The following CLPTM1L variants were observed in gnomAD, a reference collection of about 807,000 sequenced individuals.
The protein encoded by CLPTM1L is lipid scramblase CLPTM1L.
A neutral mutation model predicts 70.9 loss-of-function variants in CLPTM1L; 38 were observed. The observed-to-expected ratio is 0.54, with a 90% confidence interval of 0.41 to 0.70. The LOEUF is 0.70. Ranked by LOEUF, CLPTM1L falls within the 30% of genes least tolerant of loss-of-function variation. CLPTM1L has a pLI of 0.00. For synonymous variants in CLPTM1L, 339 were observed against 299.9 expected, an observed-to-expected ratio of 1.13 and a Z score of -1.35; for missense variants, 652 against 705.9, an observed-to-expected ratio of 0.92 and a Z score of 0.87.
At position 1,318,824 on chromosome 5, in the gene CLPTM1L, C is replaced by T. The variant is rs1050783664; in HGVS notation, c.1533-371G>A. 6.6e-6 allele frequency among the ~76,000 whole-genome samples: 1 copy of T among 152,202 alleles called. No homozygotes were observed. Among genetic ancestry groups the T allele is most frequent in the Non-Finnish European group, 1.5e-5 (1 of 68,034 alleles). ...CAGGAACCGCTGTGTTCAGGGACCACGTCTCATCAGCTGTGAACACTTGGC... is the reference window on the plus strand; with the variant it reads ...CAGGAACCGCTGTGTTCAGGGACCATGTCTCATCAGCTGTGAACACTTGGC... On this transcript the variant is annotated intron_variant, in intron 16 of 16. Coordinates refer to ENST00000320895, the MANE Select transcript of CLPTM1L (RefSeq NM_030782.5). This position sits in a 1 kb window ranked among gnomAD's most constrained non-coding sequence, Gnocchi z 8.9.
chr5:1,320,759 A>G, intron 15 of CLPTM1L, 28 bp from the exon 16 acceptor site: 1 of 1,342,294 alleles, frequency 7.4e-7, no homozygotes, highest in Non-Finnish European at 1.0e-6. Flanking sequence ...AGGAGGGTGA[A>G]CCCCAGTTGC....
intron 9 of CLPTM1L, among the ~76,000 whole-genome samples, chr5:1,329,308 T>C (rs1038674460): frequency 2.0e-5 from 3 of 152,214 alleles, no homozygotes; most frequent in Non-Finnish European, 4.4e-5. Context: ...TGCTCAGATC[T>C]CCAGCCACAG....
chr5:1,321,870 A>G (rs1225130643), intron 13 of CLPTM1L, 51 bp from the exon 14 acceptor site: 5 of 1,541,060 alleles, frequency 3.2e-6, no homozygotes, highest in Non-Finnish European at 4.4e-6. Flanking sequence ...GGGCTGCCAC[A>G]TCTACGCACA....
intron 6 of CLPTM1L, 142 bp downstream of exon 6, chr5:1,334,915 G>A (rs905127940): frequency 6.5e-6 from 4 of 612,318 alleles, no homozygotes; most frequent in African/African-American, 3.7e-5. Flanking sequence ...TGAGGCAGGC[G>A]CTGCTAGCCT....
chr5:1,321,857 G>A (rs1273993707), intron 13 of CLPTM1L, 38 bp from the exon 14 acceptor site: 1 of 1,588,694 alleles, frequency 6.3e-7, no homozygotes, highest in East Asian at 2.3e-5. Context: ...GGTGCGGAGG[G>A]CCGGGCTGCC....
At chr5:1,329,284 C>T (rs947055279) in intron 9 of CLPTM1L, among the ~76,000 whole-genome samples, 1 of 152,282 alleles carries the variant, frequency 6.6e-6, no homozygotes, top group South Asian at 2.1e-4. Context: ...CCGTCAGTGC[C>T]TACCTGGCCG....
intron 4 of CLPTM1L, 118 bp from the exon 5 acceptor site, chr5:1,338,100 C>T (rs1713118177): frequency 1.3e-6 from 1 of 791,848 alleles, no homozygotes; most frequent in South Asian, 1.5e-5. Context: ...CCCTCAACTG[C>T]TTCTCAGTCA....
chr5:1,332,666 G>A (rs116698139), intron 7 of CLPTM1L, among the ~76,000 whole-genome samples: 15 of 152,210 alleles, frequency 9.9e-5, no homozygotes, highest in African/African-American at 2.9e-4. Context: ...CGGTTAGCAC[G>A]GAGCAGTGCG....
chr5:1,333,802 G>GCT (rs1244507984), intron 7 of CLPTM1L, among the ~76,000 whole-genome samples: 1 of 151,248 alleles, frequency 6.6e-6, no homozygotes. Flanking sequence ...ATACACATCG[G>GCT]GTAAGGGGGA....
intron 3 of CLPTM1L, among the ~76,000 whole-genome samples, chr5:1,339,811 G>A (rs1452233309): frequency 2.0e-5 from 2 of 100,202 alleles, no homozygotes; most frequent in African/African-American, 8.2e-5. Context: ...CCACACAGAC[G>A]GGCAAACTGT....
intron 13 of CLPTM1L, among the ~76,000 whole-genome samples, chr5:1,322,410 C>A (rs932898908): frequency 6.6e-6 from 1 of 152,240 alleles, no homozygotes; most frequent in Non-Finnish European, 1.5e-5. Context: ...CACACTGCAT[C>A]TGCAGGAGGG....
chr5:1,331,981 G>A (rs577703342), intron 7 of CLPTM1L, 98 bp from the exon 8 acceptor site: 1 of 963,942 alleles, frequency 1.0e-6, no homozygotes, highest in Non-Finnish European at 1.6e-6. Context: ...GAGACTGCAG[G>A]TGTACTCAGC....
At chr5:1,326,276 G>A in intron 9 of CLPTM1L, 1 of 257,762 alleles carries the variant, frequency 3.9e-6, no homozygotes, top group East Asian at 1.2e-4. Context: ...GAGGGACCCT[G>A]CCTGTGGAGC....
At position 1,334,530 on chromosome 5, in the gene CLPTM1L, G is replaced by A. The variant is rs575833979; in HGVS notation, c.797-147C>T. ...GCACTTTGGGAATCTCAGGCAGGCA[G>A]ATCACTTGAAGTCAGGAGTTCAAGA... On this transcript the variant is annotated intron_variant, in intron 6 of 16. Coordinates refer to ENST00000320895, the MANE Select transcript of CLPTM1L (RefSeq NM_030782.5). The A allele has an allele frequency of 1.2e-5, 7 of 604,412 alleles. No homozygotes were observed. The Admixed American group carries it at 1.8e-4, about 15-fold the overall frequency. 37.4% of individuals were successfully genotyped at this position (604,412 alleles called of 1,614,324 possible). A position where few individuals can be genotyped will look rare whatever the true frequency, so the allele number is the denominator to read the frequency against.
intron 9 of CLPTM1L, among the ~76,000 whole-genome samples, chr5:1,327,647 C>T (rs1384185123): frequency 1.3e-5 from 2 of 150,400 alleles, no homozygotes; most frequent in East Asian, 4.0e-4. Context: ...CACCCAGCTC[C>T]TCCTCTACAG....
intron 7 of CLPTM1L, among the ~76,000 whole-genome samples, chr5:1,333,635 AT>A (rs1753319546): frequency 8.1e-6 from 1 of 123,058 alleles, no homozygotes; most frequent in African/African-American, 3.3e-5. Context: ...CCAGATGAGG[AT>A]AAGGGGGACT....
intron 9 of CLPTM1L, among the ~76,000 whole-genome samples, chr5:1,328,439 A>G (rs1391973506): frequency 4.0e-4 from 57 of 143,476 alleles, no homozygotes; most frequent in South Asian, 2.2e-4. Context: ...CTCCTCCTCT[A>G]CAGACACATT....
chr5:1,336,013 G>T (rs563148517), intron 5 of CLPTM1L, among the ~76,000 whole-genome samples: 4 of 152,364 alleles, frequency 2.6e-5, no homozygotes, highest in South Asian at 2.1e-4. Context: ...GCTCTGCTAT[G>T]GCGGGCACTG....
intron 9 of CLPTM1L, among the ~76,000 whole-genome samples, chr5:1,329,047 C>A (rs1216215401): frequency 1.3e-5 from 2 of 152,144 alleles, no homozygotes; most frequent in East Asian, 1.9e-4. Context: ...GAGGCCCCCA[C>A]CCACAGGTGG....
Sources: gnomAD v4.1 joint callset for allele counts (sites outside exome capture counted in the v4.1 genomes callset) on GRCh38, gnomAD v4.1.1 for gene constraint, Gnocchi (gnomAD v3.1) non-coding constraint, MANE v1.5 for transcripts, NCBI Gene and HGNC (gene_info 2026-07-23, HGNC 2026-07-21) for gene names.